Variants in ADAMTSL1 observed in about 807,000 individuals in gnomAD.
ADAMTSL1 encodes the protein ADAMTS-like protein 1.
In ADAMTSL1, 126 loss-of-function variants were observed where a neutral mutation model predicts 201.8. The ratio of observed to expected loss-of-function variants is 0.62; its 90% CI spans 0.54 to 0.72. The LOEUF is 0.72. ADAMTSL1 is among the 30% of genes least tolerant of loss of function. ADAMTSL1 has a pLI of 0.00. For synonymous variants in ADAMTSL1, 1,121 were observed against 903.4 expected (o/e 1.24, Z -4.32); for missense variants, 2,679 against 2,277.8 (o/e 1.18, Z -3.59).
intron 2 of ADAMTSL1, among the ~76,000 whole-genome samples, chr9:18,529,473 T>C (rs1461865825): frequency 6.6e-6 from 1 of 152,146 alleles, no homozygotes; most frequent in Non-Finnish European, 1.5e-5. Flanking sequence ...CTTTTCTGTG[T>C]ATGTAACTTT....
At chr9:18,292,642 C>A (rs145900898) in intron 2 of ADAMTSL1, among the ~76,000 whole-genome samples, 1 of 152,146 alleles carries the variant, frequency 6.6e-6, no homozygotes, top group African/African-American at 2.4e-5. Flanking sequence ...AGTCTTCCAG[C>A]CTTCATCTTT....
At chr9:18,557,770 A>G (rs1159259787) in intron 3 of ADAMTSL1, among the ~76,000 whole-genome samples, 3 of 152,074 alleles carry the variant, frequency 2.0e-5, no homozygotes, top group African/African-American at 7.2e-5. Flanking sequence ...TGACTGGCAT[A>G]AGAACCACAT....
At chr9:18,203,950 C>T (rs1829545800) in intron 2 of ADAMTSL1, among the ~76,000 whole-genome samples, 1 of 152,120 alleles carries the variant, frequency 6.6e-6, no homozygotes, top group African/African-American at 2.4e-5. Context: ...GCAAAAGAAA[C>T]ACAGGTAATT....
intron 13 of ADAMTSL1, among the ~76,000 whole-genome samples, chr9:18,704,938 A>G (rs543746155): frequency 2.0e-5 from 3 of 152,092 alleles, no homozygotes; most frequent in Non-Finnish European, 2.9e-5. Context: ...CTAGTGGATG[A>G]CTCTTCAAAG....
chr9:17,966,969 G>T (rs1818000557), intron 1 of ADAMTSL1, among the ~76,000 whole-genome samples: 1 of 152,066 alleles, frequency 6.6e-6, no homozygotes, highest in Admixed American at 6.6e-5. Context: ...TTAACTCACG[G>T]ATTTAAAGGC....
At chr9:18,657,780 T>TTGGC in intron 8 of ADAMTSL1, 30 bp downstream of exon 8, 1 of 1,570,310 alleles carries the variant, frequency 6.4e-7, no homozygotes, top group South Asian at 1.1e-5. Flanking sequence ...CTAAAAACTG[T>TTGGC]TGGCTTCTGT....
At chr9:18,438,010 G>A (rs893733012) in intron 2 of ADAMTSL1, among the ~76,000 whole-genome samples, 17 of 152,278 alleles carry the variant, frequency 1.1e-4, no homozygotes, top group Admixed American at 9.2e-4. Flanking sequence ...GAACGGGAAG[G>A]AGAGGATCAA....
chr9:18,068,632 C>T (rs1240361443), intron 1 of ADAMTSL1, among the ~76,000 whole-genome samples: 1 of 152,180 alleles, frequency 6.6e-6, no homozygotes, highest in Non-Finnish European at 1.5e-5. Flanking sequence ...CAGAGGTTCT[C>T]AGCTGGAGCC....
chr9:18,380,942 C>T (rs115084776), intron 2 of ADAMTSL1, among the ~76,000 whole-genome samples: 1,633 of 152,228 alleles, frequency 0.011, 24 homozygotes, highest in African/African-American at 0.037. Flanking sequence ...ACAGACATCC[C>T]GATTGGTCTT....
At chr9:18,406,334 C>CTTTTCTTTTCTTCTCTTTTT (rs767889998) in intron 2 of ADAMTSL1, among the ~76,000 whole-genome samples, 2 of 126,740 alleles carry the variant, frequency 1.6e-5, no homozygotes, top group African/African-American at 7.5e-5. Flanking sequence ...CTTTTCTTTT[C>CTTTTCTTTTCTTCTCTTTTT]TTTTCTTTTT....
chr9:18,072,680 A>T (rs1289444539), intron 1 of ADAMTSL1, among the ~76,000 whole-genome samples: 1 of 152,204 alleles, frequency 6.6e-6, no homozygotes, highest in Non-Finnish European at 1.5e-5. Flanking sequence ...GAAAAAAGAA[A>T]ATCTTGGACC....
At chr9:18,430,012 A>G (rs1328815872) in intron 2 of ADAMTSL1, among the ~76,000 whole-genome samples, 3 of 151,196 alleles carry the variant, frequency 2.0e-5, no homozygotes, top group East Asian at 1.9e-4. Flanking sequence ...CTGGTCTCAA[A>G]CTCCTGACCT....
chr9:18,231,461 A>G (rs771374580), intron 2 of ADAMTSL1, among the ~76,000 whole-genome samples: 10 of 152,094 alleles, frequency 6.6e-5, no homozygotes, highest in Admixed American at 2.6e-4. Flanking sequence ...TTCCAGGAAA[A>G]CACGTTCTCT....
At chr9:18,104,041 A>G (rs1184009483) in intron 1 of ADAMTSL1, among the ~76,000 whole-genome samples, 1 of 152,246 alleles carries the variant, frequency 6.6e-6, no homozygotes, top group African/African-American at 2.4e-5. Flanking sequence ...GTGTGTGCAC[A>G]TATACAATTA....
At position 18,449,618 on chromosome 9, in the gene ADAMTSL1, G is replaced by A. The variant is rs554678907; in HGVS notation, c.208-55211G>A. ...ATACTGTTTCCAATACTTTGTAATT[G>A]CAAAGACACATATCAGATAAAGGAC... On this transcript the variant is annotated intron_variant, in intron 2 of 29. Transcript: ENST00000680146. Among the ~76,000 whole-genome samples the A allele has an allele frequency of 4.9e-4, 75 of 152,124 alleles. 1 individual carries two copies. Among genetic ancestry groups the A allele is most frequent in the African/African-American group, 1.7e-3 (69 of 41,496 alleles).
rs1209806698 is a variant in ADAMTSL1, at chr9:18,029,063, G to T, written c.87+122141G>T. Among the ~76,000 whole-genome samples the T allele has an allele frequency of 9.2e-5, 14 of 152,162 alleles. No homozygotes were observed. The East Asian group carries it at 2.1e-3, about 23-fold the overall frequency. ...TCACTCATGATTTGGCTCTCTGTTT[G>T]TCTGTTATTGGTGTATAAGAATGCT... On this transcript the variant is annotated intron_variant, in intron 1 of 29. Transcript: ENST00000680146.
At chr9:18,488,556 C>T (rs1234518364) in intron 1 of ADAMTSL1, among the ~76,000 whole-genome samples, 3 of 152,212 alleles carry the variant, frequency 2.0e-5, no homozygotes, top group South Asian at 2.1e-4. Context: ...TGTAACCTTT[C>T]TGTCATTTTC....
intron 23 of ADAMTSL1, among the ~76,000 whole-genome samples, chr9:18,846,304 A>T (rs550228281): frequency 6.6e-6 from 1 of 152,194 alleles, no homozygotes; most frequent in Admixed American, 6.5e-5. Context: ...GGGGCTTTTC[A>T]GGTCTCAGCT....
intron 2 of ADAMTSL1, among the ~76,000 whole-genome samples, chr9:18,316,623 G>C (rs1834406757): frequency 1.3e-5 from 2 of 152,086 alleles, no homozygotes; most frequent in Non-Finnish European, 2.9e-5. Context: ...CTGTTATCCT[G>C]TTCTTTTTTT....
Sources: gnomAD v4.1 joint callset for allele counts (sites outside exome capture counted in the v4.1 genomes callset) on GRCh38, gnomAD v4.1.1 for gene constraint, MANE v1.5 for transcripts, NCBI Gene and HGNC (gene_info 2026-07-23, HGNC 2026-07-21) for gene names.